CNTNAP5: variants seen among roughly 807,000 people sequenced by gnomAD.
The protein encoded by CNTNAP5 is contactin associated protein family member 5.
In CNTNAP5, 72 loss-of-function variants were observed where a neutral mutation model predicts 150.2. The ratio of observed to expected loss-of-function variants is 0.48; its 90% CI spans 0.40 to 0.58. CNTNAP5 has a LOEUF of 0.58. Among genes scored for constraint, CNTNAP5 ranks in the 20% least tolerant of loss-of-function variants. The pLI is 0.00. For missense variants in CNTNAP5, 1,636 were observed against 1,626.2 expected, an observed-to-expected ratio of 1.01 and a Z score of -0.10; for synonymous variants, 672 against 619.8, an observed-to-expected ratio of 1.08 and a Z score of -1.25.
rs76090667 is a variant in CNTNAP5, at chr2:124,388,488, G to T, written c.382-28955G>T. Among the ~76,000 whole-genome samples the T allele has an allele frequency of 3.4e-3, 516 of 152,320 alleles. 3 individuals carry two copies. The highest frequency in any genetic ancestry group is 0.011 in the African/African-American group (477 of 41,574). The stretch of plus-strand genomic sequence containing the variant: ...AGCCTTGGCTTTTAAGAAGCTTAGG[G>T]AGCCAGCCTTAACTTATGCATCAAT... On this transcript the variant is annotated intron_variant, in intron 3 of 23. Transcript: ENST00000682447.
chr2:124,258,445 A>G (rs963952454), intron 3 of CNTNAP5, among the ~76,000 whole-genome samples: 4 of 152,198 alleles, frequency 2.6e-5, no homozygotes, highest in African/African-American at 9.7e-5. Context: ...GGTTATGAGG[A>G]TGCATTTGGG....
At chr2:124,573,329 A>G (rs555720812) in intron 11 of CNTNAP5, among the ~76,000 whole-genome samples, 5 of 152,306 alleles carry the variant, frequency 3.3e-5, no homozygotes, top group South Asian at 4.1e-4. Flanking sequence ...CTACATGTCA[A>G]TTGGTTCCAT....
chr2:124,430,533 G>A (rs1169405004), intron 4 of CNTNAP5, among the ~76,000 whole-genome samples: 1 of 152,184 alleles, frequency 6.6e-6, no homozygotes, highest in Non-Finnish European at 1.5e-5. Context: ...AACAGAAGAT[G>A]AGGTGGGAGA....
intron 13 of CNTNAP5, among the ~76,000 whole-genome samples, chr2:124,651,992 G>A (rs1490712733): frequency 2.0e-5 from 3 of 152,198 alleles, no homozygotes; most frequent in East Asian, 1.9e-4. Flanking sequence ...GGAGAAGGAA[G>A]AGACAGGCAG....
chr2:124,286,368 G>A (rs1401382398), intron 3 of CNTNAP5, among the ~76,000 whole-genome samples: 4 of 152,174 alleles, frequency 2.6e-5, no homozygotes, highest in Non-Finnish European at 2.9e-5. Flanking sequence ...ACATTCCAGA[G>A]CAGCAATGCT....
intron 19 of CNTNAP5, among the ~76,000 whole-genome samples, chr2:124,824,603 T>G (rs191619609): frequency 5.6e-4 from 86 of 152,268 alleles, no homozygotes; most frequent in Middle Eastern, 3.4e-3. Context: ...GTCAATTACT[T>G]AAGTAATATC....
chr2:124,625,230 C>A (rs72974506), intron 12 of CNTNAP5, among the ~76,000 whole-genome samples: 1,823 of 152,306 alleles, frequency 0.012, 29 homozygotes, highest in African/African-American at 0.041. Context: ...ACCCACTTTA[C>A]CTCCGTGTCC....
chr2:124,342,056 C>A (rs1013883803), intron 3 of CNTNAP5, among the ~76,000 whole-genome samples: 31 of 152,208 alleles, frequency 2.0e-4, no homozygotes, highest in Non-Finnish European at 4.1e-4. Flanking sequence ...AAATCTCAAA[C>A]ACGATAAGCA....
At chr2:124,741,892 C>T (rs1018194765) in intron 13 of CNTNAP5, among the ~76,000 whole-genome samples, 3 of 152,144 alleles carry the variant, frequency 2.0e-5, no homozygotes, top group African/African-American at 7.2e-5. Flanking sequence ...CTTTATAAGA[C>T]ATTCTAGAAT....
At chr2:124,410,850 G>T (rs1425470937) in intron 3 of CNTNAP5, among the ~76,000 whole-genome samples, 2 of 150,450 alleles carry the variant, frequency 1.3e-5, no homozygotes, top group African/African-American at 2.4e-5. Flanking sequence ...ACATTCAAAA[G>T]CTAGCAGAAG....
chr2:124,146,480 ATT>A (rs530328823), intron 1 of CNTNAP5, among the ~76,000 whole-genome samples: 1 of 147,956 alleles, frequency 6.8e-6, no homozygotes, highest in African/African-American at 2.5e-5. Flanking sequence ...ATGTTCACAG[ATT>A]TTTTTTTTTT....
rs1232361781 is a variant in CNTNAP5 at position 124,915,786 on chromosome 2, T to G, written c.*1498T>G. 6.6e-6 allele frequency among the ~76,000 whole-genome samples: 1 copy of G among 152,002 alleles called. No individual in the cohort carries two copies. Among genetic ancestry groups the G allele is most frequent in the Non-Finnish European group, 1.5e-5 (1 of 67,970 alleles). On this transcript the variant is annotated 3_prime_UTR_variant, in exon 24 of 24. Transcript: ENST00000682447. ...GGGTGGCGGTAAAGATCTTAATGATTTTTCTGTGGCAATATGCATCATTCT... is the reference window on the plus strand; with the variant it reads ...GGGTGGCGGTAAAGATCTTAATGATGTTTCTGTGGCAATATGCATCATTCT...
rs1573712646 is a variant in CNTNAP5 at position 124,918,522 on chromosome 2, C to T, written c.*4234C>T. 6.6e-6 allele frequency among the ~76,000 whole-genome samples: 1 copy of T among 152,174 alleles called. No individual in the cohort carries two copies. Among genetic ancestry groups the T allele is most frequent in the African/African-American group, 2.4e-5 (1 of 41,534 alleles). On this transcript the variant is annotated 3_prime_UTR_variant, in exon 24 of 24. Transcript: ENST00000682447. ...TTGCACTGGGAGGGTGCAAGCACAG[C>T]CAACTTATCCAGTCCAAGATATCCA...
At chr2:124,884,217 G>C (rs1390093770) in intron 21 of CNTNAP5, among the ~76,000 whole-genome samples, 1 of 151,852 alleles carries the variant, frequency 6.6e-6, no homozygotes, top group African/African-American at 2.4e-5. Flanking sequence ...TCAGTGTTTT[G>C]CATGCATATG....
Position 124,819,816 on chromosome 2 carries a change from G to A in CNTNAP5, c.3217+21496G>A, listed in dbSNP as rs62171357. Among the ~76,000 whole-genome samples, 246 of 152,242 alleles carry A rather than the reference G, an allele frequency of 1.6e-3. 1 individual carries two copies. Among genetic ancestry groups the A allele is most frequent in the South Asian group, 4.1e-3 (20 of 4,824 alleles). ...GAATAAAAGCAGAGAAAATATCCAGGCCTCGATGCCATATGTCCCTCAGGC... is the reference window on the plus strand; with the variant it reads ...GAATAAAAGCAGAGAAAATATCCAGACCTCGATGCCATATGTCCCTCAGGC... On this transcript the variant is annotated intron_variant, in intron 19 of 23. Coordinates refer to ENST00000682447, the MANE Select transcript of CNTNAP5 (RefSeq NM_001367498.1).
intron 11 of CNTNAP5, among the ~76,000 whole-genome samples, chr2:124,564,816 A>G (rs1327244711): frequency 2.0e-5 from 3 of 152,260 alleles, no homozygotes; most frequent in Non-Finnish European, 4.4e-5. Flanking sequence ...GGAATTGCAG[A>G]GCATTTCATG....
intron 11 of CNTNAP5, among the ~76,000 whole-genome samples, chr2:124,572,659 A>G (rs1205928870): frequency 2.0e-5 from 3 of 152,146 alleles, no homozygotes; most frequent in Non-Finnish European, 4.4e-5. Context: ...AGGAATGGAC[A>G]TTTGTTGAGC....
At chr2:124,673,804 T>C (rs1678871399) in intron 13 of CNTNAP5, among the ~76,000 whole-genome samples, 2 of 151,744 alleles carry the variant, frequency 1.3e-5, no homozygotes. Context: ...TTTTTCTGAC[T>C]CCAATGCCCT....
At chr2:124,488,142 AG>A (rs1174082923) in intron 7 of CNTNAP5, among the ~76,000 whole-genome samples, 1 of 152,246 alleles carries the variant, frequency 6.6e-6, no homozygotes, top group East Asian at 1.9e-4. Context: ...CAGAAAGAAA[AG>A]AAGTCACCCG....
Sources: allele counts gnomAD v4.1 joint callset (sites outside exome capture counted in the v4.1 genomes callset), GRCh38; gene constraint gnomAD v4.1.1; transcripts MANE v1.5; gene names NCBI Gene and HGNC (gene_info 2026-07-23, HGNC 2026-07-21).